RAPGEF4: variants seen among roughly 807,000 people sequenced by gnomAD.
The protein encoded by RAPGEF4 is RAP guanine-nucleotide-exchange factor (GEF) 4.
Under a neutral mutation model 147.9 loss-of-function variants are expected in RAPGEF4, and 66 were observed. The observed-to-expected ratio is 0.45, with a 90% CI of 0.37 to 0.55. The LOEUF (loss-of-function observed/expected upper bound fraction) is 0.55. Among genes scored for constraint, RAPGEF4 ranks in the 20% least tolerant of loss-of-function variants. The pLI is 0.00. For synonymous variants in RAPGEF4, 419 were observed against 442.7 expected, an observed-to-expected ratio of 0.95 and a Z score of 0.67; for missense variants, 1,071 against 1,257.3, an observed-to-expected ratio of 0.85 and a Z score of 2.24.
At chr2:172,874,700 A>G (rs1182876483) in intron 4 of RAPGEF4, among the ~76,000 whole-genome samples, 3 of 152,210 alleles carry the variant, frequency 2.0e-5, no homozygotes, top group African/African-American at 7.2e-5. Context: ...TAGTGCCGCA[A>G]TAAACATACA....
At chr2:172,756,630 G>T (rs551614082) in intron 1 of RAPGEF4, among the ~76,000 whole-genome samples, 4 of 152,300 alleles carry the variant, frequency 2.6e-5, no homozygotes, top group South Asian at 4.2e-4. Context: ...AATAGAAGAA[G>T]TAGGACAGAC....
rs1157011455 is a variant in RAPGEF4 at position 172,845,073 on chromosome 2, A to G, written c.444+30648A>G. ...GATTTTCTGATGGGAATAGTAATAC[A>G]AATGGTATTGATGAAAAGAAGTACT... On this transcript the variant is annotated intron_variant, in intron 4 of 30. Coordinates refer to ENST00000397081, the MANE Select transcript of RAPGEF4 (RefSeq NM_007023.4). Among the ~76,000 whole-genome samples the G allele has an allele frequency of 2.0e-5, 3 of 152,224 alleles. No homozygotes were observed. In the South Asian group the frequency reaches 6.2e-4, roughly 32 times the overall value.
intron 1 of RAPGEF4, among the ~76,000 whole-genome samples, chr2:172,777,828 C>G (rs1345175817): frequency 6.6e-6 from 1 of 152,156 alleles, no homozygotes; most frequent in Non-Finnish European, 1.5e-5. Flanking sequence ...TGGGATCACA[C>G]TACTGTGTAT....
At chr2:172,811,643 G>A (rs1385086545) in intron 3 of RAPGEF4, among the ~76,000 whole-genome samples, 5 of 152,204 alleles carry the variant, frequency 3.3e-5, no homozygotes, top group Non-Finnish European at 7.3e-5. Flanking sequence ...AGCAGCAGGC[G>A]AAGGCAGGCA....
chr2:172,931,500 G>A (rs966847160), intron 6 of RAPGEF4, among the ~76,000 whole-genome samples: 1 of 152,098 alleles, frequency 6.6e-6, no homozygotes, highest in South Asian at 2.1e-4. Flanking sequence ...TCATCTTACC[G>A]TCCTTATAAA....
chr2:172,909,988 T>C (rs556349174), intron 4 of RAPGEF4, among the ~76,000 whole-genome samples: 1 of 152,312 alleles, frequency 6.6e-6, no homozygotes, highest in South Asian at 2.1e-4. Flanking sequence ...GACTGTCTGC[T>C]CATGCCACTG....
chr2:173,050,040 C>T (rs546971725), intron 30 of RAPGEF4, among the ~76,000 whole-genome samples: 10 of 152,258 alleles, frequency 6.6e-5, no homozygotes, highest in Admixed American at 2.0e-4. Context: ...AAATAATATG[C>T]TTTGTTTTAT....
At chr2:172,985,551 C>A in intron 12 of RAPGEF4, 58 bp downstream of exon 12, 1 of 1,579,270 alleles carries the variant, frequency 6.3e-7, no homozygotes, top group Non-Finnish European at 8.6e-7. Context: ...CAAGCACATG[C>A]CACGGGAAGC....
chr2:172,996,810 C>G (rs999146288), intron 16 of RAPGEF4, among the ~76,000 whole-genome samples: 2 of 152,190 alleles, frequency 1.3e-5, no homozygotes, highest in Non-Finnish European at 1.5e-5. Flanking sequence ...CCCTAGGCAT[C>G]TCTCTCTTAA....
At chr2:172,749,751 T>C (rs1695099455) in intron 1 of RAPGEF4, among the ~76,000 whole-genome samples, 1 of 152,212 alleles carries the variant, frequency 6.6e-6, no homozygotes, top group African/African-American at 2.4e-5. Context: ...TATTGCATCA[T>C]TGGGCTGTGA....
chr2:172,917,930 T>C, intron 5 of RAPGEF4, 56 bp downstream of exon 5: 3 of 1,459,378 alleles, frequency 2.1e-6, no homozygotes, highest in Non-Finnish European at 2.9e-6. Context: ...GGTATGTGTT[T>C]TCATGTGACA....
rs537827974 is a variant in RAPGEF4 at position 172,816,314 on chromosome 2, C to T, written c.444+1889C>T. On this transcript the variant is annotated intron_variant, in intron 4 of 30. Transcript: ENST00000397081. ...CTTCTCTCTCTTACTTTCCCCCTGC[C>T]CCATCATGGCATTGACTTGTTAAAA... Among the ~76,000 whole-genome samples, 23 of 151,952 alleles carry T rather than the reference C, an allele frequency of 1.5e-4. 1 individual carries two copies. The South Asian group carries it at 4.8e-3, about 32-fold the overall frequency.
rs1279307708 is a variant in RAPGEF4, at chr2:172,736,052, G to T, written c.65+4G>T. The T allele has an allele frequency of 7.6e-7, 1 of 1,323,526 alleles. No homozygotes were observed. The highest frequency in any genetic ancestry group is 1.4e-5 in the South Asian group (1 of 73,330). The allele number at this position is 1,323,526 out of a possible 1,614,324, so 82.0% of individuals were successfully genotyped here. On this transcript the variant is annotated splice_donor_region_variant and intron_variant, in intron 1 of 30. Coordinates refer to ENST00000397081, the MANE Select transcript of RAPGEF4 (RefSeq NM_007023.4). ...GGATCGCCTGCCTGGATAAAAGGTA[G>T]CTCGCCGGGGGCCGCAGCCGGGGGC...
chr2:173,036,925 C>T (rs527415167), intron 29 of RAPGEF4: 12 of 397,156 alleles, frequency 3.0e-5, no homozygotes, highest in Admixed American at 8.2e-5. Flanking sequence ...GCTTTTATGC[C>T]GTGTGTTTCT....
intron 6 of RAPGEF4, among the ~76,000 whole-genome samples, chr2:172,944,728 C>T (rs141602666): frequency 3.3e-5 from 5 of 152,250 alleles, no homozygotes; most frequent in African/African-American, 9.6e-5. Context: ...CGAAGAGATA[C>T]TGTGAAAATC....
chr2:173,034,883 C>CA (rs1425089965), intron 27 of RAPGEF4, among the ~76,000 whole-genome samples: 1 of 150,860 alleles, frequency 6.6e-6, no homozygotes, highest in Non-Finnish European at 1.5e-5. Context: ...AACACACACA[C>CA]ACACACACAC....
chr2:173,044,535 G>A (rs868410281), intron 29 of RAPGEF4, among the ~76,000 whole-genome samples: 3 of 152,122 alleles, frequency 2.0e-5, no homozygotes, highest in African/African-American at 7.2e-5. Context: ...TTTCCTTTCT[G>A]CACTTCCCTC....
Position 173,001,993 on chromosome 2 carries a change from C to CAAAAAAAAAA in RAPGEF4, c.1658+662_1658+671dup, listed in dbSNP as rs11397728. 2.5e-4 allele frequency among the ~76,000 whole-genome samples: 20 copies of CAAAAAAAAAA among 79,318 alleles called. 1 individual carries two copies. Among genetic ancestry groups the CAAAAAAAAAA allele is most frequent in the East Asian group, 1.3e-3 (2 of 1,490 alleles). 52.0% of individuals were successfully genotyped at this position (79,318 alleles called of 152,430 possible). A position where few individuals can be genotyped will look rare whatever the true frequency, so the allele number is the denominator to read the frequency against. Reference sequence around the variant, plus strand: ...GCTTACCACAGGAAGGTGATGCTGGCAAAAAAAAAAAAAAAAAAAAAATCC... The same window carrying CAAAAAAAAAA: ...GCTTACCACAGGAAGGTGATGCTGGCAAAAAAAAAAAAAAAAAAAAAAAAAAAAAAAATCC... On this transcript the variant is annotated intron_variant, in intron 17 of 30. Coordinates refer to ENST00000397081, the MANE Select transcript of RAPGEF4 (RefSeq NM_007023.4).
At chr2:172,862,681 C>T (rs1694166752) in intron 4 of RAPGEF4, among the ~76,000 whole-genome samples, 2 of 152,158 alleles carry the variant, frequency 1.3e-5, no homozygotes, top group Non-Finnish European at 2.9e-5. Context: ...TCTGTTGCAA[C>T]ACAGATCACC....
Sources: gnomAD v4.1 joint callset for allele counts (sites outside exome capture counted in the v4.1 genomes callset) on GRCh38, gnomAD v4.1.1 for gene constraint, MANE v1.5 for transcripts, NCBI Gene and HGNC (gene_info 2026-07-23, HGNC 2026-07-21) for gene names.